CADM2: variants seen among roughly 807,000 people sequenced by gnomAD.
CADM2 encodes immunoglobulin superfamily member 4D.
In CADM2, 12 loss-of-function variants were observed where a neutral mutation model predicts 49.8. That is an observed-to-expected ratio of 0.24 (90% CI 0.15 to 0.39). CADM2 has a LOEUF of 0.39. Among genes scored for constraint, CADM2 ranks in the 10% least tolerant of loss-of-function variants. CADM2 has a pLI of 1.00. For missense variants in CADM2, 378 were observed against 492.3 expected, an observed-to-expected ratio of 0.77 and a Z score of 2.20; for synonymous variants, 214 against 175.4, an observed-to-expected ratio of 1.22 and a Z score of -1.74.
chr3:85,404,518 A>G (rs962365360), intron 1 of CADM2, among the ~76,000 whole-genome samples: 6 of 152,180 alleles, frequency 3.9e-5, no homozygotes, highest in Admixed American at 3.9e-4. Flanking sequence ...TTGAGAATTA[A>G]GTATTTATTT....
At chr3:85,051,911 G>C (rs2035896989) in intron 1 of CADM2, among the ~76,000 whole-genome samples, 1 of 152,082 alleles carries the variant, frequency 6.6e-6, no homozygotes, top group Non-Finnish European at 1.5e-5. Context: ...CAAATGAAGG[G>C]ATTTTTTAAA....
At chr3:85,645,119 T>C (rs530247874) in intron 1 of CADM2, among the ~76,000 whole-genome samples, 4 of 152,228 alleles carry the variant, frequency 2.6e-5, no homozygotes, top group African/African-American at 9.6e-5. Context: ...CTAGAAAGTA[T>C]CATATGGAAT....
At chr3:85,243,702 T>A (rs190529779) in intron 1 of CADM2, among the ~76,000 whole-genome samples, 1 of 152,130 alleles carries the variant, frequency 6.6e-6, no homozygotes, top group East Asian at 1.9e-4. Flanking sequence ...AATACATAAC[T>A]GTAAGAGTGC....
intron 2 of CADM2, among the ~76,000 whole-genome samples, chr3:85,769,198 T>C (rs1294830241): frequency 8.7e-6 from 1 of 114,830 alleles, no homozygotes; most frequent in Non-Finnish European, 1.6e-5. Flanking sequence ...ATAGTATATA[T>C]ACACATATAT....
chr3:85,892,838 G>A (rs547800210), intron 5 of CADM2, among the ~76,000 whole-genome samples: 1 of 152,190 alleles, frequency 6.6e-6, no homozygotes, highest in African/African-American at 2.4e-5. Flanking sequence ...GGTATCAGAA[G>A]AAGACAGGAA....
chr3:85,527,920 T>A (rs2061205438), intron 1 of CADM2, among the ~76,000 whole-genome samples: 1 of 152,218 alleles, frequency 6.6e-6, no homozygotes, highest in Admixed American at 6.5e-5. Context: ...TAGTCTATTT[T>A]GAGTTCAGTC....
At chr3:85,631,827 C>G (rs1471540069) in intron 1 of CADM2, among the ~76,000 whole-genome samples, 1 of 151,950 alleles carries the variant, frequency 6.6e-6, no homozygotes, top group African/African-American at 2.4e-5. Flanking sequence ...ATACTTTTGC[C>G]AAATGCTGTT....
At chr3:85,208,999 T>C (rs929332486) in intron 1 of CADM2, among the ~76,000 whole-genome samples, 2 of 152,190 alleles carry the variant, frequency 1.3e-5, no homozygotes, top group African/African-American at 4.8e-5. Flanking sequence ...ATTGAACATA[T>C]TAAATTAAGC....
At chr3:85,957,671 A>G (rs1724224563) in intron 7 of CADM2, among the ~76,000 whole-genome samples, 1 of 151,708 alleles carries the variant, frequency 6.6e-6, no homozygotes, top group South Asian at 2.1e-4. Context: ...TTCAGATGCC[A>G]CTCACATGCA....
At chr3:86,059,684 C>A (rs1003295446) in intron 8 of CADM2, among the ~76,000 whole-genome samples, 1 of 152,100 alleles carries the variant, frequency 6.6e-6, no homozygotes, top group South Asian at 2.1e-4. Context: ...GAAAGCTTTA[C>A]TTCGTCTTTT....
At chr3:85,367,381 T>A (rs1017238710) in intron 1 of CADM2, among the ~76,000 whole-genome samples, 24 of 151,884 alleles carry the variant, frequency 1.6e-4, no homozygotes, top group African/African-American at 5.6e-4. Flanking sequence ...TACTTAGAAA[T>A]GCAATAATAC....
chr3:86,020,479 T>A (rs1732994898), intron 8 of CADM2, among the ~76,000 whole-genome samples: 1 of 151,868 alleles, frequency 6.6e-6, no homozygotes, highest in African/African-American at 2.4e-5. Context: ...CCTCCCTAAC[T>A]CATTTTATGA....
chr3:85,462,799 A>T (rs1180035060), intron 1 of CADM2, among the ~76,000 whole-genome samples: 1 of 152,194 alleles, frequency 6.6e-6, no homozygotes, highest in African/African-American at 2.4e-5. Flanking sequence ...TATATATTGC[A>T]CACTCCCATT....
intron 1 of CADM2, among the ~76,000 whole-genome samples, chr3:85,081,246 G>A (rs566655204): frequency 4.6e-5 from 7 of 152,132 alleles, no homozygotes; most frequent in African/African-American, 7.2e-5. Flanking sequence ...AGACAAATAC[G>A]CATTGAAATC....
intron 5 of CADM2, among the ~76,000 whole-genome samples, chr3:85,897,140 G>T (rs1715321685): frequency 6.8e-6 from 1 of 146,382 alleles, no homozygotes; most frequent in African/African-American, 2.5e-5. Context: ...TCTACCTTAT[G>T]AGTTCTTTCT....
chr3:85,857,611 G>T (rs2075365835), intron 3 of CADM2, among the ~76,000 whole-genome samples: 1 of 152,102 alleles, frequency 6.6e-6, no homozygotes. Flanking sequence ...CCAAAGTGTT[G>T]GGTAACTCCC....
intron 8 of CADM2, among the ~76,000 whole-genome samples, chr3:85,997,738 T>A (rs1307314302): frequency 6.6e-6 from 1 of 152,148 alleles, no homozygotes; most frequent in African/African-American, 2.4e-5. Context: ...TTTCATGCAT[T>A]TCTAACTTGC....
intron 1 of CADM2, among the ~76,000 whole-genome samples, chr3:85,294,185 C>T (rs2106950160): frequency 6.6e-6 from 1 of 152,246 alleles, no homozygotes; most frequent in Non-Finnish European, 1.5e-5. Context: ...AAATCCCATT[C>T]ACAATTGCTT....
intron 1 of CADM2, among the ~76,000 whole-genome samples, chr3:85,598,484 TA>T (rs1418585354): frequency 6.6e-6 from 1 of 152,018 alleles, no homozygotes; most frequent in African/African-American, 2.4e-5. Context: ...TGTTTCATTG[TA>T]AAGTCTGTTC....
Sources: allele counts gnomAD v4.1 joint callset (sites outside exome capture counted in the v4.1 genomes callset), GRCh38; gene constraint gnomAD v4.1.1; transcripts MANE v1.5; gene names NCBI Gene and HGNC (gene_info 2026-07-23, HGNC 2026-07-21).